The following LMAN1L variants were observed in gnomAD, a reference collection of about 807,000 sequenced individuals.
LMAN1L encodes the protein protein ERGIC-53-like.
LMAN1L carries 60 observed loss-of-function variants against 58.3 expected under a neutral mutation model. That is an observed-to-expected ratio of 1.03 (90% CI 0.84 to 1.27). The LOEUF is 1.27. LMAN1L is among the 50% of genes most tolerant of loss of function. LMAN1L has a pLI of 0.00. For missense variants in LMAN1L, 629 were observed against 674.0 expected (o/e 0.93, Z 0.74); for synonymous variants, 280 against 271.6 (o/e 1.03, Z -0.31).
Position 74,819,189 on chromosome 15 carries a change from G to A in LMAN1L, c.635G>A (p.Gly212Asp), listed in dbSNP as rs62621375. The change falls in exon 6 of 14, where the codon GGT becomes GAT. Residue 212 changes from glycine (G) to aspartate (D), a missense_variant. Around this residue, in one of 3 missense-constraint regions of LMAN1L, gnomAD observed 573 missense variants for 597.3 expected, o/e 0.96. Transcript: ENST00000309664. ...AGTGGCCTCACTCCCAGTGATCCAG[G>A]TGAGTTCTGTGTGGATGTGGGGCCC... is the stretch of plus-strand genomic sequence containing the variant. ...LNSGLTPSDP[G>D]EFCVDVGPLL... 22,324 of 1,614,042 alleles carry A rather than the reference G, an allele frequency of 0.014. 2,319 individuals carry two copies. The African/African-American group carries it at 0.25, about 18-fold the overall frequency.
At chr15:74,818,444 CA>C (rs1180725765) in intron 4 of LMAN1L, among the ~76,000 whole-genome samples, 1 of 152,152 alleles carries the variant, frequency 6.6e-6, no homozygotes, top group Admixed American at 6.5e-5. Context: ...CCTGTAATCC[CA>C]GCACTTTGGC....
At chr15:74,816,333 T>G (rs1478593578) in intron 2 of LMAN1L, 22 bp downstream of exon 2, 2 of 1,610,426 alleles carry the variant, frequency 1.2e-6, no homozygotes, top group East Asian at 4.5e-5. Context: ...CTCCCAGAGC[T>G]GACAGAGCGG....
chr15:74,816,786 G>C (rs1464103441), intron 4 of LMAN1L, 96 bp downstream of exon 4: 2 of 1,234,800 alleles, frequency 1.6e-6, no homozygotes, highest in East Asian at 5.2e-5. Context: ...TCCTCCAGCA[G>C]GGGGCCCACC....
At position 74,820,079 on chromosome 15, in the gene LMAN1L, C is replaced by T. The variant is rs2063909509; in HGVS notation, c.754C>T (p.Leu252=). 1.2e-6 allele frequency: 2 copies of T among 1,614,150 alleles called. No individual in the cohort carries two copies. Among genetic ancestry groups the T allele is most frequent in the East Asian group, 2.2e-5 (1 of 44,870 alleles). Residue 252 remains leucine (L), a synonymous_variant, in exon 7 of 14, where the codon CTG becomes TTG. Coordinates refer to ENST00000309664, the MANE Select transcript of LMAN1L (RefSeq NM_021819.3). The part of the protein sequence containing the change: ...HDVLSFLTFS[L]SEPSPEVPPQ... ...TGTCCTGTCCTTCCTGACCTTCAGC[C>T]TGAGTGAGCCCAGCCCAGAGGTGAT...
At position 74,818,818 on chromosome 15, in the gene LMAN1L, G is replaced by C. The variant is rs199775835; in HGVS notation, c.597+1G>C. On this transcript the variant is annotated splice_donor_variant, in intron 5 of 13. Transcript: ENST00000309664. LOFTEE classifies it high-confidence loss of function. ...CACCTACTGGGGGCAGAGGCTGCGC[G>C]TGAGTCACCCTTCCTGCTTCTGACA... 6.2e-7 allele frequency: 1 copy of C among 1,604,970 alleles called. No individual in the cohort carries two copies. The highest frequency in any genetic ancestry group is 1.3e-5 in the African/African-American group (1 of 74,780).
Position 74,820,068 on chromosome 15 carries a change from T to C in LMAN1L, c.743T>C (p.Leu248Pro). ...LADDHDVLSFLTFSLSEPSPE... is the reference protein window; with the variant it reads ...LADDHDVLSFPTFSLSEPSPE... ...GATGATCATGATGTCCTGTCCTTCC[T>C]GACCTTCAGCCTGAGTGAGCCCAGC... The change falls in exon 7 of 14, where the codon CTG becomes CCG. Residue 248 changes from leucine to proline, a missense_variant. Transcript: ENST00000309664. 6.2e-7 allele frequency: 1 copy of C among 1,614,180 alleles called. No homozygotes were observed. Among genetic ancestry groups the C allele is most frequent in the Non-Finnish European group, 8.5e-7 (1 of 1,179,992 alleles).
intron 1 of LMAN1L, among the ~76,000 whole-genome samples, chr15:74,815,552 G>A (rs975306436): frequency 8.5e-5 from 13 of 152,318 alleles, no homozygotes; most frequent in African/African-American, 2.6e-4. Flanking sequence ...CCTGTGGGCC[G>A]GTTCTCACCT....
At position 74,818,762 on chromosome 15, in the gene LMAN1L, G is replaced by A. The variant is rs756062538; in HGVS notation, c.542G>A (p.Arg181Gln). Reference protein sequence around the residue: ...QGLGSCHWDFRNRPHPFRARI... With the variant: ...QGLGSCHWDFQNRPHPFRARI... The stretch of plus-strand genomic sequence containing the variant: ...CTGGGCTCCTGTCATTGGGACTTCC[G>A]GAACCGGCCACACCCCTTCAGAGCA... Residue 181 changes from arginine (R) to glutamine (Q), a missense_variant, in exon 5 of 14, where the codon CGG becomes CAG. This residue lies in a region of LMAN1L where 573 missense variants were observed against 597.3 expected (regional missense o/e 0.96). Transcript: ENST00000309664. 2.0e-5 allele frequency: 33 copies of A among 1,611,806 alleles called. 1 individual carries two copies. The highest frequency in any genetic ancestry group is 2.0e-4 in the East Asian group (9 of 44,850).
At chr15:74,813,486 G>T in intron 1 of LMAN1L, 1 of 457,144 alleles carries the variant, frequency 2.2e-6, no homozygotes, top group Non-Finnish European at 4.4e-6. Flanking sequence ...CCAGGTGAGT[G>T]GGCACCAGCC....
At position 74,821,208 on chromosome 15, in the gene LMAN1L, C is replaced by T; in HGVS notation, c.1041C>T (p.Ala347=). 1 of 1,549,676 alleles carries T rather than the reference C, an allele frequency of 6.5e-7. No individual in the cohort carries two copies. The highest frequency in any genetic ancestry group is 8.7e-7 in the Non-Finnish European group (1 of 1,147,122). The change falls in exon 9 of 14, where the codon GCC becomes GCT. Residue 347 remains alanine, a synonymous_variant. Transcript: ENST00000309664. ...WKKQLGPPGQ[A]RPDGGWALDA... ...AGCAGCTGGGGCCCCCAGGCCAAGC[C>T]AGGCCTGACGGAGGCTGGGTGAGAA...
intron 13 of LMAN1L, chr15:74,825,056 T>C (rs2063934939): frequency 6.2e-6 from 1 of 161,258 alleles, no homozygotes; most frequent in Non-Finnish European, 1.4e-5. Context: ...TTGGTGTGTG[T>C]TTGCTGAATG....
intron 4 of LMAN1L, 77 bp from the exon 5 acceptor site, chr15:74,818,641 C>T: frequency 2.7e-6 from 3 of 1,109,878 alleles, no homozygotes; most frequent in African/African-American, 1.6e-5. Context: ...TTGCAATGAG[C>T]CACAACTGCA....
intron 4 of LMAN1L, 26 bp from the exon 5 acceptor site, chr15:74,818,692 C>T: frequency 1.3e-6 from 2 of 1,564,350 alleles, no homozygotes; most frequent in African/African-American, 1.3e-5. Flanking sequence ...TTCTCAAAAA[C>T]AAACAAATGA....
intron 13 of LMAN1L, 129 bp downstream of exon 13, chr15:74,824,607 G>T: frequency 9.1e-7 from 1 of 1,103,926 alleles, no homozygotes; most frequent in African/African-American, 1.5e-5. Flanking sequence ...ATCACAAAGA[G>T]CACAGTGCGG....
Position 74,823,540 on chromosome 15 carries a change from G to A in LMAN1L, c.1200-19G>A. Reference sequence around the variant, plus strand: ...GAAGAGGTAATGAGTCATCTTACTTGGTTACCACCCCCGGTTAGGGATGCA... The same window carrying A: ...GAAGAGGTAATGAGTCATCTTACTTAGTTACCACCCCCGGTTAGGGATGCA... On this transcript the variant is annotated intron_variant, in intron 11 of 13. Coordinates refer to ENST00000309664, the MANE Select transcript of LMAN1L (RefSeq NM_021819.3). The A allele has an allele frequency of 6.2e-7, 1 of 1,613,216 alleles. No homozygotes were observed. The highest frequency in any genetic ancestry group is 8.5e-7 in the Non-Finnish European group (1 of 1,179,614).
intron 7 of LMAN1L, 78 bp from the exon 8 acceptor site, chr15:74,820,557 G>C (rs1345095847): frequency 6.3e-7 from 1 of 1,584,024 alleles, no homozygotes; most frequent in Non-Finnish European, 8.6e-7. Flanking sequence ...GGGCTCGTGG[G>C]GAAGCCTGTG....
rs774055994 is a variant in LMAN1L at position 74,822,669 on chromosome 15, C to G, written c.1159C>G (p.His387Asp). The G allele has an allele frequency of 1.2e-5, 20 of 1,613,964 alleles. 1 individual carries two copies. In the South Asian group the frequency reaches 2.2e-4, roughly 18 times the overall value. ...CTCTGCCAAGGTCGGTGCCCTGCTC[C>G]ATGGACAGTGGACTCTGCTCCAGGC... is the stretch of plus-strand genomic sequence containing the variant. ...KDSAKVGALL[H>D]GQWTLLQALQ... Residue 387 changes from histidine (H) to aspartate (D), a missense_variant, in exon 11 of 14, where the codon CAT (histidine) becomes GAT (aspartate). Transcript: ENST00000309664.
intron 13 of LMAN1L, 75 bp downstream of exon 13, chr15:74,824,553 G>C: frequency 6.5e-7 from 1 of 1,545,464 alleles, no homozygotes; most frequent in South Asian, 1.1e-5. Flanking sequence ...TTGGATTTAG[G>C]AGAGGGGACA....
At chr15:74,824,750 A>G (rs1216851645) in intron 13 of LMAN1L, 8 of 378,818 alleles carry the variant, frequency 2.1e-5, no homozygotes, top group Non-Finnish European at 3.8e-5. Context: ...GATGTCAGGA[A>G]GCTGAGGGGC....
Sources: gnomAD v4.1 joint callset for allele counts (sites outside exome capture counted in the v4.1 genomes callset) on GRCh38, gnomAD v4.1.1 for gene constraint, gnomAD v4.1.1 regional missense constraint, MANE v1.5 for transcripts, NCBI Gene and HGNC (gene_info 2026-07-23, HGNC 2026-07-21) for gene names.